DRC11: variants seen among roughly 807,000 people sequenced by gnomAD.
DRC11 encodes the protein IQ and AAA domain-containing protein 1.
At chr2:236,318,631 CGTTTGT>C in the DRC11 span, among the ~76,000 whole-genome samples, 7,983 of 146,430 alleles carry the variant, frequency 0.055, 690 homozygotes, top group African/African-American at 0.19. This position sits in a 1 kb window ranked among gnomAD's most constrained non-coding sequence, Gnocchi z 7.0. Context: ...GTGCATATAT[CGTTTGT>C]GTTTGTATGT....
At chr2:236,389,925 A>C in the DRC11 span, among the ~76,000 whole-genome samples, 4 of 152,172 alleles carry the variant, frequency 2.6e-5, no homozygotes, top group Non-Finnish European at 5.9e-5. Context: ...ATCCTGGAGA[A>C]TGTTCCATGC....
At chr2:236,484,280 T>G in the DRC11 span, among the ~76,000 whole-genome samples, 33 of 152,228 alleles carry the variant, frequency 2.2e-4, no homozygotes, top group Non-Finnish European at 2.6e-4. Flanking sequence ...AAGGTACAAT[T>G]TTAAAAGCTA....
At chr2:236,416,598 G>A in the DRC11 span, among the ~76,000 whole-genome samples, 10 of 151,090 alleles carry the variant, frequency 6.6e-5, no homozygotes, top group African/African-American at 1.7e-4. Flanking sequence ...GAACCACTGC[G>A]GGTCACAGTG....
chr2:236,360,223 T>TG, the DRC11 span, among the ~76,000 whole-genome samples: 1 of 152,158 alleles, frequency 6.6e-6, no homozygotes, highest in Admixed American at 6.5e-5. This position sits in a 1 kb window ranked among gnomAD's most constrained non-coding sequence, Gnocchi z 5.8. Flanking sequence ...TTTTGAAACT[T>TG]GGAGGCTCTG....
chr2:236,413,060 C>T, the DRC11 span, among the ~76,000 whole-genome samples: 1 of 152,204 alleles, frequency 6.6e-6, no homozygotes, highest in South Asian at 2.1e-4. This position sits in a 1 kb window ranked among gnomAD's most constrained non-coding sequence, Gnocchi z 4.0. Context: ...CCATATCCCT[C>T]ATGAAGCCTC....
the DRC11 span, among the ~76,000 whole-genome samples, chr2:236,480,630 C>T: frequency 6.6e-6 from 1 of 152,094 alleles, no homozygotes; most frequent in Non-Finnish European, 1.5e-5. Flanking sequence ...AAGTTGCTTT[C>T]CTGTGTTATT....
the DRC11 span, among the ~76,000 whole-genome samples, chr2:236,391,677 T>C: frequency 2.0e-4 from 31 of 152,212 alleles, no homozygotes; most frequent in African/African-American, 7.5e-4. The surrounding 1 kb of genome is among the most constrained non-coding windows in gnomAD (Gnocchi z 4.5). Flanking sequence ...GTTTGGGGAA[T>C]GTGCTTTGGC....
the DRC11 span, among the ~76,000 whole-genome samples, chr2:236,341,415 G>A: frequency 4.6e-5 from 7 of 152,242 alleles, no homozygotes; most frequent in Non-Finnish European, 2.9e-5. Flanking sequence ...GGGGGCAGGG[G>A]TGTGTTTGTA....
the DRC11 span, among the ~76,000 whole-genome samples, chr2:236,414,662 G>A: frequency 6.6e-6 from 1 of 151,974 alleles, no homozygotes; most frequent in African/African-American, 2.4e-5. Context: ...CTAGCCCTGA[G>A]CTGAAGACGA....
chr2:236,433,385 A>G, the DRC11 span, among the ~76,000 whole-genome samples: 1 of 152,216 alleles, frequency 6.6e-6, no homozygotes, highest in Non-Finnish European at 1.5e-5. Context: ...ATTCCTACCT[A>G]CGAGCATGAT....
chr2:236,432,982 A>G, the DRC11 span, among the ~76,000 whole-genome samples: 4 of 152,150 alleles, frequency 2.6e-5, no homozygotes, highest in African/African-American at 9.6e-5. Context: ...CTTTTTTCTT[A>G]GATGACAACC....
chr2:236,420,825 AACAG>A, the DRC11 span, among the ~76,000 whole-genome samples: 2 of 152,042 alleles, frequency 1.3e-5, no homozygotes, highest in African/African-American at 2.4e-5. The surrounding 1 kb of genome is among the most constrained non-coding windows in gnomAD (Gnocchi z 4.8). Context: ...AACAAAACAA[AACAG>A]ACAAAGGCTC....
At chr2:236,308,011 G>C in the DRC11 span, among the ~76,000 whole-genome samples, 1 of 151,058 alleles carries the variant, frequency 6.6e-6, no homozygotes, top group East Asian at 1.9e-4. The surrounding 1 kb of genome is among the most constrained non-coding windows in gnomAD (Gnocchi z 6.0). Context: ...TGACGCAGGC[G>C]TCCTCGTGTG....
chr2:236,489,784 G>A, the DRC11 span, among the ~76,000 whole-genome samples: 2 of 152,140 alleles, frequency 1.3e-5, no homozygotes, highest in African/African-American at 4.8e-5. Flanking sequence ...AATTAGTGGA[G>A]TGTTGTGGGA....
chr2:236,344,648 A>T, the DRC11 span: 1 of 1,611,076 alleles, frequency 6.2e-7, no homozygotes, highest in Non-Finnish European at 8.5e-7. Flanking sequence ...AGCCACCTGC[A>T]GAGGAAAAGG....
chr2:236,308,673 T>C, the DRC11 span, among the ~76,000 whole-genome samples: 2 of 152,228 alleles, frequency 1.3e-5, no homozygotes, highest in African/African-American at 4.8e-5. The surrounding 1 kb of genome is among the most constrained non-coding windows in gnomAD (Gnocchi z 6.0). Context: ...ATCCATGTTG[T>C]TGAAAAGGAA....
chr2:236,417,213 T>C, the DRC11 span, among the ~76,000 whole-genome samples: 5 of 152,158 alleles, frequency 3.3e-5, no homozygotes. Context: ...GTGCCAGATT[T>C]GGGTGCTGTG....
At chr2:236,455,154 A>G in the DRC11 span, 9 of 152,282 alleles carry the variant, frequency 5.9e-5, no homozygotes, top group African/African-American at 2.2e-4. This position sits in a 1 kb window ranked among gnomAD's most constrained non-coding sequence, Gnocchi z 5.7. Context: ...TCTGTTTCCA[A>G]CAAAATGACG....
At chr2:236,408,840 T>C in the DRC11 span, 28 of 656,020 alleles carry the variant, frequency 4.3e-5, no homozygotes, top group Non-Finnish European at 7.9e-5. This position sits in a 1 kb window ranked among gnomAD's most constrained non-coding sequence, Gnocchi z 5.5. Flanking sequence ...TGGCAGTGTC[T>C]CCACAATAGT....
Sources: gnomAD v4.1 joint callset for allele counts (sites outside exome capture counted in the v4.1 genomes callset) on GRCh38, gnomAD v4.1.1 for gene constraint, Gnocchi (gnomAD v3.1) non-coding constraint, MANE v1.5 for transcripts, NCBI Gene and HGNC (gene_info 2026-07-23, HGNC 2026-07-21) for gene names.